Variants in HIVEP1 observed in about 807,000 individuals in gnomAD.
HIVEP1 encodes HIVEP zinc finger 1, also known as zinc finger protein 40.
Under a neutral mutation model 180.0 loss-of-function variants are expected in HIVEP1, and 36 were observed. The observed-to-expected ratio is 0.20, with a 90% CI of 0.15 to 0.26. HIVEP1 has a LOEUF of 0.26. Among genes scored for constraint, HIVEP1 ranks in the 10% least tolerant of loss-of-function variants. The pLI is 1.00. For missense variants in HIVEP1, 3,143 were observed against 3,268.7 expected, an observed-to-expected ratio of 0.96 and a Z score of 0.94; for synonymous variants, 1,239 against 1,239.0, an observed-to-expected ratio of 1.00 and a Z score of 0.00.
intron 3 of HIVEP1, among the ~76,000 whole-genome samples, chr6:12,091,005 C>G (rs1773441232): frequency 6.6e-6 from 1 of 152,024 alleles, no homozygotes; most frequent in South Asian, 2.1e-4. Context: ...GAGCATTGTT[C>G]TGTGCAGTTC....
the HIVEP1 span, among the ~76,000 whole-genome samples, chr6:12,182,449 G>C: frequency 6.6e-6 from 1 of 152,196 alleles, no homozygotes; most frequent in Non-Finnish European, 1.5e-5. Context: ...GTGACTCTAA[G>C]AGATCTATTG....
chr6:12,121,917 G>A lies in HIVEP1; in HGVS notation c.2122G>A (p.Gly708Arg), dbSNP rs200178667. 7.4e-6 allele frequency: 12 copies of A among 1,614,090 alleles called. No individual in the cohort carries two copies. The African/African-American group carries it at 1.1e-4, about 14-fold the overall frequency. ...AGAACAAGACTCTGGAAGGAGTAAC[G>A]GACCCTCTGCAGCTCTTGTCACCAC... ...STEQDSGRSN[G>R]PSAALVTTST... The change falls in exon 4 of 9, where the codon GGA becomes AGA. Residue 708 changes from glycine to arginine, a missense_variant. Around this residue, in one of 12 missense-constraint regions of HIVEP1, gnomAD observed 365 missense variants for 344.4 expected, o/e 1.06. Transcript: ENST00000379388. This position sits in a 1 kb window ranked among gnomAD's most constrained non-coding sequence, Gnocchi z 5.3.
chr6:12,176,923 T>C, the HIVEP1 span, among the ~76,000 whole-genome samples: 1 of 152,212 alleles, frequency 6.6e-6, no homozygotes, highest in Admixed American at 6.5e-5. Context: ...TGTGTGCCCA[T>C]CAGTGACAGA....
the HIVEP1 span, among the ~76,000 whole-genome samples, chr6:12,209,448 T>C: frequency 6.6e-6 from 1 of 152,044 alleles, no homozygotes; most frequent in Non-Finnish European, 1.5e-5. Context: ...AACAAAAAAT[T>C]TTTTTCTCTA....
At chr6:12,041,420 T>TAAAAA (rs34364704) in intron 2 of HIVEP1, among the ~76,000 whole-genome samples, 1 of 52,274 alleles carries the variant, frequency 1.9e-5, no homozygotes, top group Non-Finnish European at 3.2e-5. Flanking sequence ...AGACTCCGTC[T>TAAAAA]AAAAAAAAAA....
intron 2 of HIVEP1, among the ~76,000 whole-genome samples, chr6:12,074,619 AGTGT>A (rs113951055): frequency 1.2e-4 from 16 of 138,768 alleles, no homozygotes; most frequent in Admixed American, 3.6e-4. Context: ...TGTATGAAAA[AGTGT>A]GTGTGTGTGT....
In HIVEP1 at chr6:12,164,149, G is replaced by A. The variant is rs1263875969; in HGVS notation, c.7845G>A (p.Leu2615=). ...TVQRENAKKV[L]NPPAPAGDHA... ...AGCGGGAAAATGCAAAAAAAGTTCT[G>A]AATCCACCTGCCCCTGCAGGTGACC... Residue 2615 remains leucine, a synonymous_variant, in exon 9 of 9, where the codon CTG becomes CTA. Transcript: ENST00000379388. 6.2e-7 allele frequency: 1 copy of A among 1,614,166 alleles called. No homozygotes were observed. Among genetic ancestry groups the A allele is most frequent in the Non-Finnish European group, 8.5e-7 (1 of 1,180,038 alleles).
the HIVEP1 span, among the ~76,000 whole-genome samples, chr6:12,211,276 T>C: frequency 1.1e-5 from 1 of 93,936 alleles, no homozygotes; most frequent in Non-Finnish European, 2.1e-5. Flanking sequence ...GGCAGGTGCC[T>C]GTAGTCCCAG....
At position 12,163,502 on chromosome 6, in the gene HIVEP1, C is replaced by A; in HGVS notation, c.7198C>A (p.Pro2400Thr). The change falls in exon 9 of 9, where the codon CCA becomes ACA. Residue 2400 changes from proline (P) to threonine (T), a missense_variant. Physicochemically the swap from Pro to Thr is conservative, Grantham distance 38 (BLOSUM62 -1). This residue lies in a region of HIVEP1 where 595 missense variants were observed against 602.2 expected (regional missense o/e 0.99). Transcript: ENST00000379388. The stretch of plus-strand genomic sequence containing the variant: ...ATCGAGGACACCTTATAATATGGTT[C>A]CAGTTGGGGGGATCCATGTGGTACC... ...QQSRTPYNMV[P>T]VGGIHVVPAG... The A allele has an allele frequency of 6.2e-7, 1 of 1,614,146 alleles. No individual in the cohort carries two copies. Among genetic ancestry groups the A allele is most frequent in the Non-Finnish European group, 8.5e-7 (1 of 1,180,022 alleles).
Position 12,120,664 on chromosome 6 carries a change from T to G in HIVEP1, c.869T>G (p.Phe290Cys), listed in dbSNP as rs770727487. ...ASHLYHQHEHFVPKSNQHNQQ... is the reference protein window; with the variant it reads ...ASHLYHQHEHCVPKSNQHNQQ... ...CATTTGTATCATCAACATGAACACT[T>G]TGTTCCCAAATCCAACCAACATAAT... Residue 290 changes from phenylalanine to cysteine, a missense_variant, in exon 4 of 9, where the codon TTT becomes TGT. Coordinates refer to ENST00000379388, the MANE Select transcript of HIVEP1 (RefSeq NM_002114.4). The G allele has an allele frequency of 6.2e-7, 1 of 1,614,198 alleles. No homozygotes were observed. Among genetic ancestry groups the G allele is most frequent in the Non-Finnish European group, 8.5e-7 (1 of 1,180,030 alleles).
At chr6:12,172,519 G>A in the HIVEP1 span, among the ~76,000 whole-genome samples, 1 of 152,014 alleles carries the variant, frequency 6.6e-6, no homozygotes, top group Non-Finnish European at 1.5e-5. Flanking sequence ...GGCTCAAAGA[G>A]ATATTGATAA....
intron 2 of HIVEP1, among the ~76,000 whole-genome samples, chr6:12,064,390 C>T (rs1771430919): frequency 6.6e-6 from 1 of 152,158 alleles, no homozygotes; most frequent in Non-Finnish European, 1.5e-5. Context: ...TCAATAAGGT[C>T]ATCACAAGCA....
In HIVEP1 at chr6:12,135,877, G is replaced by C; in HGVS notation, c.6472G>C (p.Asp2158His). Residue 2158 changes from aspartate to histidine, a missense_variant, in exon 7 of 9, where the codon GAT becomes CAT. Asp to His is a moderately conservative substitution (Grantham distance 81). Around this residue, in one of 12 missense-constraint regions of HIVEP1, gnomAD observed 126 missense variants for 168.5 expected, o/e 0.75. Coordinates refer to ENST00000379388, the MANE Select transcript of HIVEP1 (RefSeq NM_002114.4). ...CTCAGTAGGTTTAATAGATGAACAG[G>C]ATACAGAAGAATCAGGTAAGGCTTT... ...GVSVGLIDEQ[D>H]TEESDEKQRF... The C allele has an allele frequency of 6.2e-7, 1 of 1,601,160 alleles. No homozygotes were observed. Among genetic ancestry groups the C allele is most frequent in the South Asian group, 1.1e-5 (1 of 90,772 alleles).
At position 12,123,265 on chromosome 6, in the gene HIVEP1, C is replaced by G. The variant is rs760679430; in HGVS notation, c.3470C>G (p.Ala1157Gly). 1.8e-5 allele frequency: 29 copies of G among 1,614,158 alleles called. 1 individual carries two copies. In the South Asian group the frequency reaches 2.7e-4, roughly 15 times the overall value. The change falls in exon 4 of 9, where the codon GCC becomes GGC. Residue 1157 changes from alanine (A) to glycine (G), a missense_variant. Ala to Gly is a moderately conservative substitution (Grantham distance 60). Coordinates refer to ENST00000379388, the MANE Select transcript of HIVEP1 (RefSeq NM_002114.4). ...SFDKPEPFER[A>G]SPVSFQELNR... ...GACAAGCCTGAGCCTTTTGAAAGAGCCTCCCCAGTTTCTTTCCAGGAGCTG... is the reference window on the plus strand; with the variant it reads ...GACAAGCCTGAGCCTTTTGAAAGAGGCTCCCCAGTTTCTTTCCAGGAGCTG...
chr6:12,122,610 G>A lies in HIVEP1; in HGVS notation c.2815G>A (p.Ala939Thr), dbSNP rs562520053. The stretch of plus-strand genomic sequence containing the variant: ...TGAAGCCATGTCAGTGAGGAGCAAG[G>A]CACTGGCACAAGGCCCACATATAGA... Reference protein sequence around the residue: ...AGEAMSVRSKALAQGPHIEKK... With the variant: ...AGEAMSVRSKTLAQGPHIEKK... Residue 939 changes from alanine (A) to threonine (T), a missense_variant, in exon 4 of 9, where the codon GCA becomes ACA. By Grantham distance (58) the Ala-to-Thr change is moderately conservative. Transcript: ENST00000379388. The A allele has an allele frequency of 4.3e-6, 7 of 1,614,064 alleles. No homozygotes were observed. The highest frequency in any genetic ancestry group is 5.9e-6 in the Non-Finnish European group (7 of 1,180,044).
At chr6:12,009,477 T>C (rs1436015222), upstream of HIVEP1, among the ~76,000 whole-genome samples, 1 of 152,214 alleles carries the variant, frequency 6.6e-6, no homozygotes, top group Non-Finnish European at 1.5e-5. Flanking sequence ...CCCTCTTTTT[T>C]GGGGGCAGAG....
At chr6:12,098,733 TGAAGACAGATAAA>T (rs1282087576) in intron 3 of HIVEP1, among the ~76,000 whole-genome samples, 1 of 152,142 alleles carries the variant, frequency 6.6e-6, no homozygotes, top group African/African-American at 2.4e-5. Flanking sequence ...GCAGATAAAT[TGAAGACAGATAAA>T]GAACTGGGAG....
At chr6:12,180,692 G>C in the HIVEP1 span, among the ~76,000 whole-genome samples, 1 of 152,230 alleles carries the variant, frequency 6.6e-6, no homozygotes, top group South Asian at 2.1e-4. Context: ...CACCTTCTGG[G>C]CTTAAGTGTG....
chr6:12,012,663 GGCGT>G (rs1767437766), intron 1 of HIVEP1, 97 bp downstream of exon 1: 2 of 148,380 alleles, frequency 1.3e-5, no homozygotes, highest in Admixed American at 6.7e-5. Flanking sequence ...GCGGGCGGGG[GGCGT>G]GCGGGCGCGC....
Sources: allele counts gnomAD v4.1 joint callset (sites outside exome capture counted in the v4.1 genomes callset), GRCh38; gene constraint gnomAD v4.1.1; regional missense constraint gnomAD v4.1.1; non-coding constraint Gnocchi (gnomAD v3.1); transcripts MANE v1.5; gene names NCBI Gene and HGNC (gene_info 2026-07-23, HGNC 2026-07-21).